CACNA2D3: variants seen among roughly 807,000 people sequenced by gnomAD.
CACNA2D3 encodes the protein calcium voltage-gated channel auxiliary subunit alpha2delta 3.
A neutral mutation model predicts 160.6 loss-of-function variants in CACNA2D3; 60 were observed. The ratio of observed to expected loss-of-function variants is 0.37; its 90% CI spans 0.30 to 0.46. The LOEUF (loss-of-function observed/expected upper bound fraction) is 0.46, where lower values mean the gene tolerates loss of function less well. CACNA2D3 is among the 20% of genes least tolerant of loss of function. CACNA2D3 has a pLI of 1.00. For synonymous variants in CACNA2D3, 558 were observed against 492.9 expected (o/e 1.13, Z -1.75); for missense variants, 1,205 against 1,365.0 (o/e 0.88, Z 1.85).
chr3:54,284,951 CT>C (rs1229188299), intron 2 of CACNA2D3, among the ~76,000 whole-genome samples: 1 of 151,992 alleles, frequency 6.6e-6, no homozygotes, highest in Non-Finnish European at 1.5e-5. Context: ...AAATATATAC[CT>C]ACGAAGATGG....
At chr3:54,151,289 G>A (rs1175535886) in intron 2 of CACNA2D3, among the ~76,000 whole-genome samples, 1 of 151,996 alleles carries the variant, frequency 6.6e-6, no homozygotes, top group African/African-American at 2.4e-5. Flanking sequence ...ATGAATGGAT[G>A]TAGGGACGGA....
intron 31 of CACNA2D3, among the ~76,000 whole-genome samples, chr3:54,992,937 A>G (rs1451616433): frequency 6.6e-6 from 1 of 152,198 alleles, no homozygotes; most frequent in African/African-American, 2.4e-5. Context: ...AGAAGCAGGC[A>G]TGTCTTCACA....
At chr3:54,578,515 A>G (rs1453781173) in intron 8 of CACNA2D3, among the ~76,000 whole-genome samples, 1 of 152,220 alleles carries the variant, frequency 6.6e-6, no homozygotes, top group Non-Finnish European at 1.5e-5. Context: ...TTGGGTAGTG[A>G]GAGGAGCGTG....
intron 2 of CACNA2D3, among the ~76,000 whole-genome samples, chr3:54,157,733 G>T (rs1449763860): frequency 6.6e-6 from 1 of 151,854 alleles, no homozygotes; most frequent in Non-Finnish European, 1.5e-5. Context: ...GGGGGTTGCA[G>T]CGAGCCGAGA....
chr3:54,601,263 G>C (rs1347406989), intron 9 of CACNA2D3, among the ~76,000 whole-genome samples: 7 of 152,110 alleles, frequency 4.6e-5, no homozygotes, highest in African/African-American at 1.2e-4. Context: ...GAGTGCAGTG[G>C]CATGATCATA....
chr3:54,821,637 T>TTTCA (rs1703594624), intron 14 of CACNA2D3, among the ~76,000 whole-genome samples: 1 of 147,766 alleles, frequency 6.8e-6, no homozygotes, highest in Non-Finnish European at 1.5e-5. Flanking sequence ...TTCTAGAGTC[T>TTTCA]TTCGTTCTTT....
chr3:54,885,402 T>G, intron 22 of CACNA2D3, 76 bp downstream of exon 22: 4 of 1,603,376 alleles, frequency 2.5e-6, no homozygotes, highest in Non-Finnish European at 3.4e-6. Flanking sequence ...TTGTGCTCCC[T>G]TGCCCAGTTT....
chr3:54,863,082 C>T (rs1399403482), intron 17 of CACNA2D3, among the ~76,000 whole-genome samples: 1 of 152,004 alleles, frequency 6.6e-6, no homozygotes, highest in Non-Finnish European at 1.5e-5. Flanking sequence ...TCTTTTTTAC[C>T]CTGGATGTTC....
chr3:54,675,092 C>T (rs1036506510), intron 11 of CACNA2D3, among the ~76,000 whole-genome samples: 1 of 152,080 alleles, frequency 6.6e-6, no homozygotes, highest in African/African-American at 2.4e-5. Flanking sequence ...AGGATCTGGG[C>T]TTTTTCAGAG....
At chr3:54,198,409 G>A (rs564617532) in intron 2 of CACNA2D3, among the ~76,000 whole-genome samples, 2 of 152,312 alleles carry the variant, frequency 1.3e-5, no homozygotes, top group Admixed American at 1.3e-4. Context: ...CTGGCTTCCC[G>A]TGGCCCCGAA....
At chr3:54,748,004 A>G (rs1701786907) in intron 11 of CACNA2D3, among the ~76,000 whole-genome samples, 1 of 152,214 alleles carries the variant, frequency 6.6e-6, no homozygotes, top group African/African-American at 2.4e-5. Context: ...GAAGTCCCTG[A>G]GGGCAGAATT....
chr3:54,163,881 A>G lies in CACNA2D3; in HGVS notation c.204+40287A>G, dbSNP rs78769436. Among the ~76,000 whole-genome samples, 28 of 152,294 alleles carry G rather than the reference A, an allele frequency of 1.8e-4. No homozygotes were observed. In the East Asian group the frequency reaches 5.4e-3, roughly 30 times the overall value. Reference sequence around the variant, plus strand: ...GGAGGTACCTGGCCCTTTGCTACACAGACCACATGGTCTTGCTGGGGACAA... The same window carrying G: ...GGAGGTACCTGGCCCTTTGCTACACGGACCACATGGTCTTGCTGGGGACAA... On this transcript the variant is annotated intron_variant, in intron 2 of 37. Transcript: ENST00000474759.
At chr3:54,933,746 A>G (rs765399118) in intron 27 of CACNA2D3, among the ~76,000 whole-genome samples, 1 of 147,316 alleles carries the variant, frequency 6.8e-6, no homozygotes, top group Non-Finnish European at 1.5e-5. Flanking sequence ...GAATGAATAA[A>G]GATATTACTA....
At chr3:54,284,422 T>C (rs1702958691) in intron 2 of CACNA2D3, among the ~76,000 whole-genome samples, 1 of 151,972 alleles carries the variant, frequency 6.6e-6, no homozygotes, top group Non-Finnish European at 1.5e-5. Context: ...ATTTGTTATA[T>C]TGACAAATAT....
intron 35 of CACNA2D3, among the ~76,000 whole-genome samples, chr3:55,057,482 A>G (rs2107215781): frequency 6.6e-6 from 1 of 152,306 alleles, no homozygotes; most frequent in Admixed American, 6.5e-5. Flanking sequence ...GAAGAAGATA[A>G]TGGCAATAGC....
At chr3:54,402,977 T>C (rs1298289915) in intron 4 of CACNA2D3, among the ~76,000 whole-genome samples, 1 of 152,126 alleles carries the variant, frequency 6.6e-6, no homozygotes, top group African/African-American at 2.4e-5. Flanking sequence ...AATAGGAAGA[T>C]TTTTGGAAAA....
At chr3:54,861,581 G>A (rs1461779105) in intron 17 of CACNA2D3, among the ~76,000 whole-genome samples, 1 of 152,178 alleles carries the variant, frequency 6.6e-6, no homozygotes, top group Non-Finnish European at 1.5e-5. Flanking sequence ...CTCTCTGGCT[G>A]GACCCTGGAG....
chr3:54,997,305 T>G (rs1174840001), intron 31 of CACNA2D3, among the ~76,000 whole-genome samples: 1 of 152,174 alleles, frequency 6.6e-6, no homozygotes, highest in East Asian at 1.9e-4. Flanking sequence ...CTGTCAAACC[T>G]GTTTGCACAT....
chr3:54,906,287 C>G (rs1278245057), intron 27 of CACNA2D3, among the ~76,000 whole-genome samples: 1 of 152,100 alleles, frequency 6.6e-6, no homozygotes, highest in East Asian at 1.9e-4. Context: ...GTGGTAAATA[C>G]TCTCTAGAAA....
Sources: allele counts gnomAD v4.1 joint callset (sites outside exome capture counted in the v4.1 genomes callset), GRCh38; gene constraint gnomAD v4.1.1; transcripts MANE v1.5; gene names NCBI Gene and HGNC (gene_info 2026-07-23, HGNC 2026-07-21).